The following NPAS3 variants were observed in gnomAD, a reference collection of about 807,000 sequenced individuals.
The protein encoded by NPAS3 is neuronal PAS domain protein 3, also known as neuronal PAS domain-containing protein 3.
Under a neutral mutation model 73.1 loss-of-function variants are expected in NPAS3, and 14 were observed. That is an observed-to-expected ratio of 0.19 (90% CI 0.13 to 0.30). NPAS3 has a LOEUF of 0.30. Among genes scored for constraint, NPAS3 ranks in the 10% least tolerant of loss-of-function variants. NPAS3 has a pLI of 1.00. For synonymous variants in NPAS3, 620 were observed against 541.5 expected (o/e 1.14, Z -2.01); for missense variants, 1,096 against 1,250.0 (o/e 0.88, Z 1.86).
At chr14:32,950,569 C>T (rs1203393127) in intron 1 of NPAS3, among the ~76,000 whole-genome samples, 1 of 152,058 alleles carries the variant, frequency 6.6e-6, no homozygotes, top group Non-Finnish European at 1.5e-5. Flanking sequence ...GGTATATCTA[C>T]ATTTCAGCAT....
chr14:32,938,550 A>C (rs2035804518), upstream of NPAS3, among the ~76,000 whole-genome samples: 1 of 95,138 alleles, frequency 1.1e-5, no homozygotes, highest in African/African-American at 3.9e-5. Flanking sequence ...GTGTCTGCGT[A>C]CGAGAGAGCG....
At chr14:32,938,764 G>A (rs1290487289), upstream of NPAS3, among the ~76,000 whole-genome samples, 3 of 149,472 alleles carry the variant, frequency 2.0e-5, no homozygotes, top group Non-Finnish European at 4.5e-5. Context: ...GGGTGGCGGC[G>A]CGGGGGTGAG....
chr14:33,346,573 A>G (rs2044745952), intron 3 of NPAS3, among the ~76,000 whole-genome samples: 1 of 151,048 alleles, frequency 6.6e-6, no homozygotes, highest in African/African-American at 2.4e-5. Context: ...TCAAATTAGG[A>G]TAATTTCAAA....
Position 33,211,906 on chromosome 14 carries a change from G to T in NPAS3, c.141-3276G>T, listed in dbSNP as rs138520752. ...GCAATGGGAAGTTTAGGCCCAGGGA[G>T]TAAATATTTGGGTCTGAAGTTTAAT... On this transcript the variant is annotated intron_variant, in intron 2 of 11. Transcript: ENST00000356141. 2.6e-5 allele frequency among the ~76,000 whole-genome samples: 4 copies of T among 152,286 alleles called. No homozygotes were observed. The East Asian group carries it at 7.7e-4, about 29-fold the overall frequency.
chr14:33,301,146 T>A (rs2042513861), intron 3 of NPAS3, among the ~76,000 whole-genome samples: 1 of 151,610 alleles, frequency 6.6e-6, no homozygotes, highest in Non-Finnish European at 1.5e-5. Context: ...CTTCCTCTGC[T>A]GCCACTTCTC....
intron 2 of NPAS3, among the ~76,000 whole-genome samples, chr14:33,111,474 A>G (rs1339142920): frequency 6.6e-6 from 1 of 152,308 alleles, no homozygotes; most frequent in Admixed American, 6.5e-5. Flanking sequence ...ACAGTAATTC[A>G]CAAAGCAAAC....
intron 4 of NPAS3, among the ~76,000 whole-genome samples, chr14:33,510,361 T>C (rs908279807): frequency 7.2e-5 from 11 of 152,068 alleles, no homozygotes; most frequent in African/African-American, 2.7e-4. Flanking sequence ...TCACAATCGC[T>C]GCTATGATTC....
chr14:33,462,066 C>T (rs2050295624), intron 4 of NPAS3, among the ~76,000 whole-genome samples: 1 of 152,194 alleles, frequency 6.6e-6, no homozygotes, highest in South Asian at 2.1e-4. Flanking sequence ...TATCTCTGTA[C>T]TCTCCATGAC....
intron 2 of NPAS3, among the ~76,000 whole-genome samples, chr14:33,068,500 A>G (rs146226829): frequency 5.3e-5 from 8 of 152,312 alleles, no homozygotes; most frequent in Non-Finnish European, 1.2e-4. Flanking sequence ...GGTATATATC[A>G]GTGGACAAAG....
chr14:32,939,811 G>C (rs1244500607), intron 1 of NPAS3, among the ~76,000 whole-genome samples: 1 of 151,524 alleles, frequency 6.6e-6, no homozygotes. Context: ...GGGAGGGAAG[G>C]CGGCGAGCAG....
rs562081217 is a variant in NPAS3, at chr14:33,247,432, T to C, written c.385+32006T>C. On this transcript the variant is annotated intron_variant, in intron 3 of 11. Transcript: ENST00000356141. Reference sequence around the variant, plus strand: ...TTCAGAATTGCCTTTTTCCTTTACTTGAATATGAGGAGAAGGCTTTGGGCT... The same window carrying C: ...TTCAGAATTGCCTTTTTCCTTTACTCGAATATGAGGAGAAGGCTTTGGGCT... 3.3e-5 allele frequency among the ~76,000 whole-genome samples: 5 copies of C among 152,318 alleles called. No homozygotes were observed. In the East Asian group the frequency reaches 9.6e-4, roughly 29 times the overall value.
chr14:33,164,686 A>G (rs1349109606), intron 2 of NPAS3, among the ~76,000 whole-genome samples: 1 of 152,160 alleles, frequency 6.6e-6, no homozygotes, highest in Non-Finnish European at 1.5e-5. Context: ...GTGACTACAT[A>G]AGTAAATTTC....
At chr14:33,312,580 C>T (rs982497070) in intron 3 of NPAS3, among the ~76,000 whole-genome samples, 1 of 152,038 alleles carries the variant, frequency 6.6e-6, no homozygotes, top group Admixed American at 6.6e-5. Flanking sequence ...ATAGAGCTAT[C>T]ATTTGTAGTT....
chr14:33,457,099 G>C (rs1371386952), intron 4 of NPAS3, among the ~76,000 whole-genome samples: 1 of 152,230 alleles, frequency 6.6e-6, no homozygotes, highest in Non-Finnish European at 1.5e-5. Flanking sequence ...TTAATGCCAG[G>C]TGAAGGGCGA....
chr14:33,628,853 C>G (rs1216284849), intron 5 of NPAS3, among the ~76,000 whole-genome samples: 1 of 152,156 alleles, frequency 6.6e-6, no homozygotes, highest in Non-Finnish European at 1.5e-5. Flanking sequence ...CAAGATCATG[C>G]CAGCATTAAG....
At chr14:33,638,168 G>T (rs2058577540) in intron 5 of NPAS3, among the ~76,000 whole-genome samples, 2 of 152,166 alleles carry the variant, frequency 1.3e-5, no homozygotes, top group Admixed American at 1.3e-4. Flanking sequence ...GTGACTGTTT[G>T]AATTCGGTCT....
chr14:33,296,048 G>A (rs540749361), intron 3 of NPAS3, among the ~76,000 whole-genome samples: 6 of 152,098 alleles, frequency 3.9e-5, no homozygotes, highest in South Asian at 2.1e-4. Flanking sequence ...ACTGAAAGAC[G>A]AAGACTCTCG....
intron 2 of NPAS3, among the ~76,000 whole-genome samples, chr14:33,085,631 T>C (rs2041999435): frequency 6.6e-6 from 1 of 152,352 alleles, no homozygotes; most frequent in Admixed American, 6.5e-5. Flanking sequence ...ACTTTTTTTT[T>C]CTAGCAGATT....
At chr14:33,161,757 T>C (rs73270569) in intron 2 of NPAS3, among the ~76,000 whole-genome samples, 2 of 152,150 alleles carry the variant, frequency 1.3e-5, no homozygotes, top group African/African-American at 4.8e-5. Context: ...CTGGAGGAGA[T>C]AGTCAATGAG....
Sources: gnomAD v4.1 joint callset for allele counts (sites outside exome capture counted in the v4.1 genomes callset) on GRCh38, gnomAD v4.1.1 for gene constraint, MANE v1.5 for transcripts, NCBI Gene and HGNC (gene_info 2026-07-23, HGNC 2026-07-21) for gene names.